Variants in GPC1 observed in about 807,000 individuals in gnomAD.
GPC1 encodes glypican 1.
Under a neutral mutation model 51.5 loss-of-function variants are expected in GPC1, and 26 were observed. The ratio of observed to expected loss-of-function variants is 0.50; its 90% CI spans 0.37 to 0.70. The LOEUF (loss-of-function observed/expected upper bound fraction) is 0.70. Among genes scored for constraint, GPC1 ranks in the 30% least tolerant of loss-of-function variants. The pLI is 0.00. For missense variants in GPC1, 775 were observed against 800.5 expected, an observed-to-expected ratio of 0.97 and a Z score of 0.38; for synonymous variants, 380 against 348.3, an observed-to-expected ratio of 1.09 and a Z score of -1.01.
chr2:240,464,379 T>G (rs184669613), intron 4 of GPC1: 8 of 520,812 alleles, frequency 1.5e-5, no homozygotes, highest in Admixed American at 3.2e-5. Flanking sequence ...CCTCTGTGTA[T>G]GTGCGTGTTC....
chr2:240,447,041 G>A (rs544160208), intron 1 of GPC1, among the ~76,000 whole-genome samples: 16 of 152,252 alleles, frequency 1.1e-4, no homozygotes, highest in East Asian at 3.9e-4. Flanking sequence ...AACCCCTGGC[G>A]TCTGGCACCC....
chr2:240,462,296 T>G lies in GPC1; in HGVS notation c.431T>G (p.Leu144Arg). The stretch of plus-strand genomic sequence containing the variant: ...CAGAACGCGAGGGCCTTCCGGGACC[T>G]GTACTCAGAGCTGCGCCTGTACTAC... ...YTQNARAFRDLYSELRLYYRG... is the reference protein window; with the variant it reads ...YTQNARAFRDRYSELRLYYRG... Residue 144 changes from leucine (L) to arginine (R), a missense_variant, in exon 3 of 9, where the codon CTG (leucine) becomes CGG (arginine). Coordinates refer to ENST00000264039, the MANE Select transcript of GPC1 (RefSeq NM_002081.3). 6.2e-7 allele frequency: 1 copy of G among 1,608,686 alleles called. No individual in the cohort carries two copies. The highest frequency in any genetic ancestry group is 8.5e-7 in the Non-Finnish European group (1 of 1,178,176).
intron 1 of GPC1, chr2:240,451,351 G>A (rs1403553744): frequency 4.6e-6 from 2 of 434,348 alleles, no homozygotes; most frequent in African/African-American, 2.0e-5. Flanking sequence ...TAGCAGACAG[G>A]GAGGGCCAGT....
intron 2 of GPC1, among the ~76,000 whole-genome samples, chr2:240,459,555 C>G (rs1268715295): frequency 6.6e-6 from 1 of 152,192 alleles, no homozygotes; most frequent in Admixed American, 6.5e-5. Flanking sequence ...CGTCAAGTGC[C>G]CCAGGCCACT....
At chr2:240,445,619 C>T (rs937377219) in intron 1 of GPC1, among the ~76,000 whole-genome samples, 23 of 152,188 alleles carry the variant, frequency 1.5e-4, no homozygotes, top group African/African-American at 5.5e-4. Flanking sequence ...ATCCATCCTT[C>T]TGTGGGTGCA....
chr2:240,463,775 A>C (rs2074236988), intron 4 of GPC1: 1 of 533,454 alleles, frequency 1.9e-6, no homozygotes, highest in Non-Finnish European at 3.3e-6. Flanking sequence ...CCACTTAGCA[A>C]GCACCTCGGT....
intron 4 of GPC1, chr2:240,463,798 C>G (rs574794219): frequency 6.3e-5 from 31 of 492,840 alleles, no homozygotes; most frequent in African/African-American, 4.6e-4. Context: ...GCATACATGC[C>G]AACACGTGTG....
At chr2:240,457,905 C>A in intron 1 of GPC1, 1 of 364,516 alleles carries the variant, frequency 2.7e-6, no homozygotes, top group Non-Finnish European at 5.8e-6. Context: ...TTCCTGCTGA[C>A]AACGCCCCCC....
intron 1 of GPC1, among the ~76,000 whole-genome samples, chr2:240,439,493 G>A (rs61056707): frequency 0.011 from 1,614 of 152,306 alleles, 32 homozygotes; most frequent in African/African-American, 0.037. Flanking sequence ...CAGCTGGAGC[G>A]GGCACCAGCG....
intron 1 of GPC1, chr2:240,453,042 C>T (rs1370703850): frequency 2.9e-6 from 1 of 341,620 alleles, no homozygotes; most frequent in Non-Finnish European, 5.7e-6. Flanking sequence ...TCCGCCGCCG[C>T]GCTGGAAGCC....
intron 3 of GPC1, among the ~76,000 whole-genome samples, chr2:240,462,957 G>A (rs1369115937): frequency 1.3e-5 from 2 of 152,136 alleles, no homozygotes; most frequent in Non-Finnish European, 2.9e-5. Flanking sequence ...CCAGAGCCTC[G>A]CAGGCCAGGG....
At chr2:240,450,388 G>T (rs2074086607) in intron 1 of GPC1, 1 of 349,324 alleles carries the variant, frequency 2.9e-6, no homozygotes, top group Admixed American at 3.9e-5. Context: ...GGTTGGGGAG[G>T]CGGGGGATGC....
At chr2:240,449,318 C>CCT (rs1300819521) in intron 1 of GPC1, 2 of 143,568 alleles carry the variant, frequency 1.4e-5, no homozygotes, top group African/African-American at 5.3e-5. Context: ...CAGGCGCCCC[C>CCT]CCCCACCCCC....
At chr2:240,436,215 A>G (rs144149246) in intron 1 of GPC1, 131 bp downstream of exon 1, 66,289 of 528,342 alleles carry the variant, frequency 0.13, 4,879 homozygotes, top group African/African-American at 0.26. Flanking sequence ...CGGGCCCCGA[A>G]TGGCTCCCTG....
At chr2:240,438,514 T>A (rs1324846206) in intron 1 of GPC1, among the ~76,000 whole-genome samples, 1 of 151,942 alleles carries the variant, frequency 6.6e-6, no homozygotes, top group Non-Finnish European at 1.5e-5. Context: ...CCATTCTCAG[T>A]CCCCTCTCTC....
In GPC1 at chr2:240,467,779, C is replaced by T. The variant is rs1574784822; in HGVS notation, c.*1489C>T. The stretch of plus-strand genomic sequence containing the variant: ...TAGATGTTTTGGGATCAGGAGCCCC[C>T]AACACAGGCAAGTCCACCCCATAAT... On this transcript the variant is annotated 3_prime_UTR_variant, in exon 9 of 9. Transcript: ENST00000264039. 1 of 152,254 alleles carries T rather than the reference C, an allele frequency of 6.6e-6. No homozygotes were observed. The highest frequency in any genetic ancestry group is 1.5e-5 in the Non-Finnish European group (1 of 68,080). 9.4% of individuals were successfully genotyped at this position (152,254 alleles called of 1,614,324 possible).
Position 240,465,068 on chromosome 2 carries a change from G to GC in GPC1, c.1135-5dup, listed in dbSNP as rs1378688116. 6.3e-7 allele frequency: 1 copy of GC among 1,599,020 alleles called. No individual in the cohort carries two copies. The highest frequency in any genetic ancestry group is 2.3e-5 in the East Asian group (1 of 44,206). The stretch of plus-strand genomic sequence containing the variant: ...CTGGCAGCCCAGTGGCCTGACTGCT[G>GC]CCCCACAGGTCTCCGAAGCCAAGGC... On this transcript the variant is annotated splice_polypyrimidine_tract_variant and intron_variant, in intron 6 of 8. Transcript: ENST00000264039.
At chr2:240,447,160 T>A (rs1574759805) in intron 1 of GPC1, among the ~76,000 whole-genome samples, 1 of 152,020 alleles carries the variant, frequency 6.6e-6, no homozygotes, top group African/African-American at 2.4e-5. Flanking sequence ...CTGAGGGCAT[T>A]AAGGCTGGAC....
At chr2:240,445,323 G>A (rs748543404) in intron 1 of GPC1, among the ~76,000 whole-genome samples, 1 of 152,206 alleles carries the variant, frequency 6.6e-6, no homozygotes, top group South Asian at 2.1e-4. Flanking sequence ...AGCGGGAGCA[G>A]TTGCCCTGGG....
Sources: gnomAD v4.1 joint callset for allele counts (sites outside exome capture counted in the v4.1 genomes callset) on GRCh38, gnomAD v4.1.1 for gene constraint, MANE v1.5 for transcripts, NCBI Gene and HGNC (gene_info 2026-07-23, HGNC 2026-07-21) for gene names.